The following DAB2IP variants were observed in gnomAD, a reference collection of about 807,000 sequenced individuals.
The protein encoded by DAB2IP is DAB2 interacting protein.
In DAB2IP, 28 loss-of-function variants were observed where a neutral mutation model predicts 107.2. That is an observed-to-expected ratio of 0.26 (90% CI 0.19 to 0.36). DAB2IP has a LOEUF of 0.36. Ranked by LOEUF, DAB2IP falls within the 10% of genes least tolerant of loss-of-function variation. The pLI, the probability that DAB2IP is intolerant of heterozygous loss-of-function variation, is 1.00. For missense variants in DAB2IP, 1,400 were observed against 1,644.7 expected, an observed-to-expected ratio of 0.85 and a Z score of 2.57; for synonymous variants, 755 against 706.4, an observed-to-expected ratio of 1.07 and a Z score of -1.09.
intron 2 of DAB2IP, among the ~76,000 whole-genome samples, chr9:121,694,430 C>T (rs1284070504): frequency 6.6e-6 from 1 of 152,148 alleles, no homozygotes; most frequent in African/African-American, 2.4e-5. Context: ...TTCGTCAGAA[C>T]AGAAGCTTGA....
intron 2 of DAB2IP, among the ~76,000 whole-genome samples, chr9:121,686,720 A>G (rs1215943968): frequency 6.6e-6 from 1 of 151,572 alleles, no homozygotes; most frequent in Non-Finnish European, 1.5e-5. Flanking sequence ...ATGGGCAGGA[A>G]CCCCTCCCCA....
At chr9:121,754,218 ACAG>A (rs1398986614) in intron 3 of DAB2IP, among the ~76,000 whole-genome samples, 1 of 152,202 alleles carries the variant, frequency 6.6e-6, no homozygotes, top group African/African-American at 2.4e-5. Context: ...TGGCAGGGTC[ACAG>A]CAGACCAGCT....
At position 121,772,972 on chromosome 9, in the gene DAB2IP, G is replaced by A. The variant is rs1834882298; in HGVS notation, c.2444G>A (p.Gly815Asp). The change falls in exon 12 of 16, where the codon GGC becomes GAC. Residue 815 changes from glycine to aspartate, a missense_variant. Gly to Asp is a moderately conservative substitution (Grantham distance 94). Around this residue, in one of 3 missense-constraint regions of DAB2IP, gnomAD observed 600 missense variants for 659.1 expected, o/e 0.91. Coordinates refer to ENST00000408936, the Ensembl canonical transcript of DAB2IP. The surrounding 1 kb of genome is among the most constrained non-coding windows in gnomAD (Gnocchi z 4.7). ...CCAACCACACCAGGCACCTCCGAGG[G>A]CGCGCCAGGCCGGCCCCAGCTGTTG... 1 of 1,598,634 alleles carries A rather than the reference G, an allele frequency of 6.3e-7. No homozygotes were observed. Among genetic ancestry groups the A allele is most frequent in the African/African-American group, 1.3e-5 (1 of 74,726 alleles).
At chr9:121,670,268 G>A (rs10116036) in intron 1 of DAB2IP, among the ~76,000 whole-genome samples, 2,358 of 152,212 alleles carry the variant, frequency 0.015, 47 homozygotes, top group African/African-American at 0.052. Flanking sequence ...TCTTTTTTAG[G>A]GCTAAGTAGT....
rs532665859 is a variant in DAB2IP, at chr9:121,701,053, C to T, written c.362+1595C>T. 6.6e-6 allele frequency among the ~76,000 whole-genome samples: 1 copy of T among 152,366 alleles called. No individual in the cohort carries two copies. The highest frequency in any genetic ancestry group is 1.9e-4 in the East Asian group (1 of 5,180). Reference sequence around the variant, plus strand: ...TCGGCTGTCTTCCCCAGGAACATGCCCTTCTCCGCGCTTTCCTTGGCGGGG... The same window carrying T: ...TCGGCTGTCTTCCCCAGGAACATGCTCTTCTCCGCGCTTTCCTTGGCGGGG... On this transcript the variant is annotated intron_variant, in intron 3 of 15. Transcript: ENST00000408936. The surrounding 1 kb of genome is among the most constrained non-coding windows in gnomAD (Gnocchi z 4.7).
intron 1 of DAB2IP, among the ~76,000 whole-genome samples, chr9:121,641,995 T>TTCTCTCTCTCTCTCTC (rs71370683): frequency 3.5e-3 from 122 of 34,908 alleles, no homozygotes; most frequent in South Asian, 4.9e-3. Flanking sequence ...TTTCTTTCCT[T>TTCTCTCTCTCTCTCTC]TCTCTCTCTC....
chr9:121,605,451 A>G (rs1830837265), intron 1 of DAB2IP, among the ~76,000 whole-genome samples: 1 of 152,164 alleles, frequency 6.6e-6, no homozygotes, highest in Admixed American at 6.5e-5. Context: ...TGCAGGCTGA[A>G]TTTCAGGTCT....
chr9:121,622,824 G>T (rs1413237417), intron 1 of DAB2IP, among the ~76,000 whole-genome samples: 1 of 152,210 alleles, frequency 6.6e-6, no homozygotes, highest in Non-Finnish European at 1.5e-5. Context: ...GCCAGCTTGG[G>T]GCAGGTTTGG....
intron 1 of DAB2IP, among the ~76,000 whole-genome samples, chr9:121,620,791 C>A (rs1369357025): frequency 2.6e-5 from 4 of 152,176 alleles, no homozygotes; most frequent in Non-Finnish European, 5.9e-5. Flanking sequence ...TCCTCACCTA[C>A]CAGCTCTCAC....
chr9:121,730,372 C>G (rs1831456824), intron 3 of DAB2IP, among the ~76,000 whole-genome samples: 1 of 152,214 alleles, frequency 6.6e-6, no homozygotes, highest in Non-Finnish European at 1.5e-5. Flanking sequence ...AACAGCATCA[C>G]CCGCCGGGTC....
intron 1 of DAB2IP, among the ~76,000 whole-genome samples, chr9:121,589,476 T>A (rs1490919235): frequency 6.6e-6 from 1 of 152,156 alleles, no homozygotes; most frequent in African/African-American, 2.4e-5. Flanking sequence ...GTCATCTCCT[T>A]GGAAGCCTTT....
intron 2 of DAB2IP, among the ~76,000 whole-genome samples, chr9:121,679,446 A>ACACACACACACACACACC (rs1206773433): frequency 3.3e-5 from 5 of 151,454 alleles, no homozygotes; most frequent in African/African-American, 1.2e-4. Context: ...ACACACACAC[A>ACACACACACACACACACC]CACACACCAG....
chr9:121,585,230 A>C (rs573063338), intron 1 of DAB2IP, among the ~76,000 whole-genome samples: 15 of 152,158 alleles, frequency 9.9e-5, no homozygotes, highest in Admixed American at 1.3e-4. Flanking sequence ...GCGAGGGGTC[A>C]ATGAGAGCAC....
intron 1 of DAB2IP, among the ~76,000 whole-genome samples, chr9:121,642,042 T>TC (rs1462917561): frequency 3.1e-4 from 15 of 47,938 alleles, no homozygotes; most frequent in South Asian, 1.2e-3. Flanking sequence ...TTTCTTTCTT[T>TC]CTTTCTTTCT....
intron 3 of DAB2IP, among the ~76,000 whole-genome samples, chr9:121,708,448 G>A (rs1016316345): frequency 6.6e-6 from 1 of 152,216 alleles, no homozygotes; most frequent in African/African-American, 2.4e-5. Context: ...GGCTCCCATT[G>A]TGAAAAGCTC....
chr9:121,612,928 C>T (rs1486377184), intron 1 of DAB2IP, among the ~76,000 whole-genome samples: 1 of 152,186 alleles, frequency 6.6e-6, no homozygotes, highest in East Asian at 1.9e-4. Context: ...GCTGGGAGCC[C>T]CCAAGCTTGG....
At chr9:121,676,267 C>G (rs1426444228) in intron 1 of DAB2IP, among the ~76,000 whole-genome samples, 1 of 152,202 alleles carries the variant, frequency 6.6e-6, no homozygotes, top group East Asian at 1.9e-4. Flanking sequence ...GCCTGGAAAG[C>G]ACACAGTGCC....
In DAB2IP at chr9:121,701,766, G is replaced by C. The variant is rs1439858276; in HGVS notation, c.362+2308G>C. Among the ~76,000 whole-genome samples the C allele has an allele frequency of 6.6e-6, 1 of 152,106 alleles. No individual in the cohort carries two copies. Among genetic ancestry groups the C allele is most frequent in the Non-Finnish European group, 1.5e-5 (1 of 68,016 alleles). The stretch of plus-strand genomic sequence containing the variant: ...AAAAACAACTATGGTGACCCCGCCC[G>C]CCCCCCAGCTCATGGCCAAACCTGG... On this transcript the variant is annotated intron_variant, in intron 3 of 15. Transcript: ENST00000408936. This position sits in a 1 kb window ranked among gnomAD's most constrained non-coding sequence, Gnocchi z 4.7.
chr9:121,623,575 C>T (rs376558810), intron 1 of DAB2IP, among the ~76,000 whole-genome samples: 1 of 152,102 alleles, frequency 6.6e-6, no homozygotes, highest in Non-Finnish European at 1.5e-5. Context: ...GCTATGTTGC[C>T]CAGGCTGGTC....
Sources: allele counts gnomAD v4.1 joint callset (sites outside exome capture counted in the v4.1 genomes callset), GRCh38; gene constraint gnomAD v4.1.1; regional missense constraint gnomAD v4.1.1; non-coding constraint Gnocchi (gnomAD v3.1); transcripts MANE v1.5; gene names NCBI Gene and HGNC (gene_info 2026-07-23, HGNC 2026-07-21).